CDYL2: variants seen among roughly 807,000 people sequenced by gnomAD.
CDYL2 encodes chromodomain Y-like protein 2.
CDYL2 carries 23 observed loss-of-function variants against 49.4 expected under a neutral mutation model. The ratio of observed to expected loss-of-function variants is 0.47; its 90% CI spans 0.34 to 0.66. The LOEUF (loss-of-function observed/expected upper bound fraction) is 0.66. Ranked by LOEUF, CDYL2 falls within the 30% of genes least tolerant of loss-of-function variation. The pLI is 0.01. For missense variants in CDYL2, 678 were observed against 656.4 expected (o/e 1.03, Z -0.36); for synonymous variants, 360 against 268.8 (o/e 1.34, Z -3.32).
intron 1 of CDYL2, among the ~76,000 whole-genome samples, chr16:80,728,494 G>C (rs1905234276): frequency 6.6e-6 from 1 of 152,164 alleles, no homozygotes; most frequent in Non-Finnish European, 1.5e-5. Context: ...AAGTGATGGG[G>C]AGAATGGAAC....
chr16:80,778,691 A>G (rs921399319), intron 1 of CDYL2, among the ~76,000 whole-genome samples: 2 of 152,074 alleles, frequency 1.3e-5, no homozygotes, highest in Non-Finnish European at 2.9e-5. Context: ...GAAGTACCTC[A>G]TCTGAAAACT....
chr16:80,628,090 C>T (rs563163111), intron 3 of CDYL2: 74 of 152,324 alleles, frequency 4.9e-4, no homozygotes, highest in African/African-American at 1.7e-3. Flanking sequence ...GGGAGATTTC[C>T]CCGTACCCTA....
intron 2 of CDYL2, among the ~76,000 whole-genome samples, chr16:80,659,377 A>C (rs542683473): frequency 2.4e-4 from 36 of 152,334 alleles, no homozygotes; most frequent in African/African-American, 8.4e-4. Flanking sequence ...AATATCTAAA[A>C]GACATTATTG....
In CDYL2 at chr16:80,695,947, A is replaced by G. The variant is rs115567385; in HGVS notation, c.25-10818T>C. The stretch of plus-strand genomic sequence containing the variant: ...GTTTCAATCAACTGCTGCAGAACGC[A>G]TATTCTTCTCATTAGCACATGAAGC... On this transcript the variant is annotated intron_variant, in intron 1 of 6. Coordinates refer to ENST00000570137, the MANE Select transcript of CDYL2 (RefSeq NM_152342.4). Among the ~76,000 whole-genome samples, 823 of 152,340 alleles carry G rather than the reference A, an allele frequency of 5.4e-3. 10 individuals are homozygous for G. Among genetic ancestry groups the G allele is most frequent in the African/African-American group, 0.019 (783 of 41,580 alleles).
intron 1 of CDYL2, among the ~76,000 whole-genome samples, chr16:80,719,627 C>G (rs867278980): frequency 2.0e-5 from 3 of 152,198 alleles, no homozygotes; most frequent in African/African-American, 2.4e-5. Flanking sequence ...AAACAAGTAT[C>G]TGTACCTTGG....
intron 1 of CDYL2, among the ~76,000 whole-genome samples, chr16:80,779,463 T>A (rs1567604341): frequency 1.3e-5 from 2 of 152,108 alleles, no homozygotes; most frequent in Non-Finnish European, 2.9e-5. Context: ...AATTTGACAG[T>A]ATTATCAGAA....
intron 1 of CDYL2, among the ~76,000 whole-genome samples, chr16:80,697,885 G>GA (rs1300285490): frequency 5.3e-5 from 8 of 151,932 alleles, no homozygotes; most frequent in African/African-American, 1.9e-4. Flanking sequence ...AACATTGGTG[G>GA]AAAAAATTAA....
rs1307676889 is a variant in CDYL2, at chr16:80,608,085, A to G, written c.1362+7T>C. 6.4e-7 allele frequency: 1 copy of G among 1,569,304 alleles called. No individual in the cohort carries two copies. Among genetic ancestry groups the G allele is most frequent in the East Asian group, 2.3e-5 (1 of 42,574 alleles). ...AGGACAAGCACGCAGGAGGCGCAGG[A>G]ACTCACCACGGCACTGCAGGATGCC... On this transcript the variant is annotated splice_region_variant and intron_variant, in intron 6 of 6. Coordinates refer to ENST00000570137, the MANE Select transcript of CDYL2 (RefSeq NM_152342.4).
At chr16:80,631,008 G>C (rs974482464) in intron 3 of CDYL2, among the ~76,000 whole-genome samples, 2 of 152,084 alleles carry the variant, frequency 1.3e-5, no homozygotes, top group Non-Finnish European at 2.9e-5. Flanking sequence ...TTATGAAAAA[G>C]AGAATACAGG....
chr16:80,653,846 C>T (rs1438029050), intron 2 of CDYL2, among the ~76,000 whole-genome samples: 2 of 152,240 alleles, frequency 1.3e-5, no homozygotes, highest in Non-Finnish European at 2.9e-5. Flanking sequence ...TGCGTGTACA[C>T]AGGGATCATG....
intron 1 of CDYL2, among the ~76,000 whole-genome samples, chr16:80,706,942 A>G (rs1567578877): frequency 6.6e-6 from 1 of 152,142 alleles, no homozygotes; most frequent in Non-Finnish European, 1.5e-5. Flanking sequence ...CTGCCTGCCC[A>G]TAAAATAAAA....
intron 2 of CDYL2, among the ~76,000 whole-genome samples, chr16:80,669,428 G>C (rs1020789198): frequency 1.3e-5 from 2 of 152,096 alleles, no homozygotes; most frequent in African/African-American, 2.4e-5. Context: ...TGGCCCTTTA[G>C]ATGTCCCCCC....
chr16:80,722,555 T>C (rs189009278), intron 1 of CDYL2, among the ~76,000 whole-genome samples: 1 of 152,326 alleles, frequency 6.6e-6, no homozygotes, highest in East Asian at 1.9e-4. Flanking sequence ...GTATCTGTAA[T>C]TGTCAGAACA....
intron 1 of CDYL2, among the ~76,000 whole-genome samples, chr16:80,793,245 T>C (rs184172730): frequency 6.6e-6 from 1 of 152,344 alleles, no homozygotes; most frequent in Non-Finnish European, 1.5e-5. Flanking sequence ...GCGGTCTTTG[T>C]GCGTGCTCAG....
intron 1 of CDYL2, among the ~76,000 whole-genome samples, chr16:80,782,385 C>T (rs76472969): frequency 0.049 from 7,407 of 151,796 alleles, 208 homozygotes; most frequent in Non-Finnish European, 0.055. Context: ...AAGACCAAGC[C>T]TTCACTGATG....
At chr16:80,647,543 A>C (rs1908404421) in intron 2 of CDYL2, among the ~76,000 whole-genome samples, 1 of 152,170 alleles carries the variant, frequency 6.6e-6, no homozygotes, top group Non-Finnish European at 1.5e-5. Context: ...CAGATATATA[A>C]AGCAAATATT....
chr16:80,724,784 T>C (rs961970694), intron 1 of CDYL2, among the ~76,000 whole-genome samples: 3 of 152,232 alleles, frequency 2.0e-5, no homozygotes, highest in African/African-American at 7.2e-5. Context: ...CTTCTCTGCA[T>C]CACCAAGTCA....
intron 2 of CDYL2, among the ~76,000 whole-genome samples, chr16:80,641,257 C>T (rs58529818): frequency 0.041 from 6,173 of 152,110 alleles, 412 homozygotes; most frequent in African/African-American, 0.14. Context: ...ATACATATGG[C>T]AGCAAACTTT....
intron 1 of CDYL2, among the ~76,000 whole-genome samples, chr16:80,724,027 G>C (rs1157099759): frequency 6.7e-6 from 1 of 149,972 alleles, no homozygotes; most frequent in Non-Finnish European, 1.5e-5. Flanking sequence ...GAAAGAGGAA[G>C]AGGGGAGGAG....
Sources: allele counts gnomAD v4.1 joint callset (sites outside exome capture counted in the v4.1 genomes callset), GRCh38; gene constraint gnomAD v4.1.1; transcripts MANE v1.5; gene names NCBI Gene and HGNC (gene_info 2026-07-23, HGNC 2026-07-21).